ANKRD17: variants seen among roughly 807,000 people sequenced by gnomAD.
ANKRD17 encodes ankyrin repeat domain 17.
In ANKRD17, 19 loss-of-function variants were observed where a neutral mutation model predicts 229.7. The ratio of observed to expected loss-of-function variants is 0.08; its 90% CI spans 0.06 to 0.12. ANKRD17 has a LOEUF of 0.12. ANKRD17 is among the 10% of genes least tolerant of loss of function. The pLI, the probability that ANKRD17 is intolerant of heterozygous loss-of-function variation, is 1.00. For synonymous variants in ANKRD17, 1,112 were observed against 1,146.1 expected (o/e 0.97, Z 0.60); for missense variants, 2,176 against 3,176.8 (o/e 0.68, Z 7.57).
intron 1 of ANKRD17, among the ~76,000 whole-genome samples, chr4:73,237,419 T>C (rs189666604): frequency 5.3e-4 from 80 of 152,320 alleles, no homozygotes; most frequent in Admixed American, 8.5e-4. Flanking sequence ...TATTCACAAC[T>C]TAAATCATAT....
At chr4:73,224,050 G>A (rs559427115) in intron 1 of ANKRD17, among the ~76,000 whole-genome samples, 7 of 152,056 alleles carry the variant, frequency 4.6e-5, no homozygotes, top group Admixed American at 1.3e-4. Context: ...CCAGGAGTTC[G>A]ATCAAGACCA....
chr4:73,181,404 TA>T (rs1416162187), intron 1 of ANKRD17, among the ~76,000 whole-genome samples: 4 of 152,086 alleles, frequency 2.6e-5, no homozygotes. Flanking sequence ...AAAAGAGGTA[TA>T]AAAGTTCAGC....
At chr4:73,144,861 C>T (rs774457145) in intron 10 of ANKRD17, 29 bp from the exon 11 acceptor site, 2 of 1,363,178 alleles carry the variant, frequency 1.5e-6, no homozygotes, top group East Asian at 4.7e-5. Flanking sequence ...AAAGACTTGA[C>T]ATTTAATTGC....
intron 1 of ANKRD17, among the ~76,000 whole-genome samples, chr4:73,253,741 T>G (rs1745223209): frequency 6.6e-6 from 1 of 152,228 alleles, no homozygotes; most frequent in South Asian, 2.1e-4. Context: ...CAGGCATTCA[T>G]CAATTCCTAT....
chr4:73,177,286 T>C (rs1578283607), intron 2 of ANKRD17, 94 bp downstream of exon 2: 1 of 1,173,858 alleles, frequency 8.5e-7, no homozygotes, highest in East Asian at 2.6e-5. Flanking sequence ...TCATTCTAAA[T>C]ACCCAATATC....
intron 1 of ANKRD17, among the ~76,000 whole-genome samples, chr4:73,193,378 AGAG>A (rs1251622939): frequency 3.3e-5 from 5 of 152,208 alleles, no homozygotes; most frequent in African/African-American, 1.2e-4. Context: ...TACGTACATA[AGAG>A]GAGGACAGGT....
intron 16 of ANKRD17, among the ~76,000 whole-genome samples, chr4:73,129,839 T>A (rs188860490): frequency 1.3e-5 from 2 of 150,440 alleles, no homozygotes; most frequent in Admixed American, 6.7e-5. Flanking sequence ...CTCAGCTCAC[T>A]GCAAGCTCCG....
In ANKRD17 at chr4:73,119,533, T is replaced by C. The variant is rs527990174; in HGVS notation, c.4025+629A>G. 1.6e-4 allele frequency among the ~76,000 whole-genome samples: 24 copies of C among 152,338 alleles called. No individual in the cohort carries two copies. In the South Asian group the frequency reaches 4.6e-3, roughly 29 times the overall value. Reference sequence around the variant, plus strand: ...TCTGTTTTTGTAGTTATGTTAAAGATAACATGCAGGTTTAGCATTCATTCA... The same window carrying C: ...TCTGTTTTTGTAGTTATGTTAAAGACAACATGCAGGTTTAGCATTCATTCA... On this transcript the variant is annotated intron_variant, in intron 21 of 33. Coordinates refer to ENST00000358602, the MANE Select transcript of ANKRD17 (RefSeq NM_032217.5).
At chr4:73,122,859 C>A (rs994736966) in intron 18 of ANKRD17, among the ~76,000 whole-genome samples, 13 of 152,062 alleles carry the variant, frequency 8.5e-5, no homozygotes, top group Admixed American at 8.5e-4. Flanking sequence ...TCAAATTTCT[C>A]AAGTTTTCTC....
At chr4:73,174,938 G>C (rs577557657) in intron 2 of ANKRD17, among the ~76,000 whole-genome samples, 9 of 152,246 alleles carry the variant, frequency 5.9e-5, no homozygotes, top group African/African-American at 1.9e-4. Context: ...CAAGAAAAAT[G>C]GGAAAATATT....
chr4:73,114,982 T>C (rs1012209865), intron 23 of ANKRD17, among the ~76,000 whole-genome samples: 9 of 152,196 alleles, frequency 5.9e-5, no homozygotes, highest in Non-Finnish European at 1.0e-4. Flanking sequence ...CAGTTTTATC[T>C]TCCATAAAAT....
chr4:73,242,628 A>G (rs1720739554), intron 1 of ANKRD17, among the ~76,000 whole-genome samples: 1 of 152,220 alleles, frequency 6.6e-6, no homozygotes. Context: ...TAAATGAACA[A>G]TATCCAAAAC....
At chr4:73,102,028 G>C (rs1724066552) in intron 25 of ANKRD17, among the ~76,000 whole-genome samples, 1 of 151,976 alleles carries the variant, frequency 6.6e-6, no homozygotes, top group South Asian at 2.1e-4. Context: ...AACCTCCCAG[G>C]CTGAAGTGAT....
At chr4:73,226,096 T>G (rs1457187246) in intron 1 of ANKRD17, among the ~76,000 whole-genome samples, 1 of 144,392 alleles carries the variant, frequency 6.9e-6, no homozygotes, top group African/African-American at 2.6e-5. Context: ...CTGCCTCAGC[T>G]TCCCGAGTAG....
At chr4:73,137,699 T>C (rs572435707) in intron 15 of ANKRD17, among the ~76,000 whole-genome samples, 24 of 152,252 alleles carry the variant, frequency 1.6e-4, no homozygotes, top group Middle Eastern at 3.4e-3. Flanking sequence ...TGGCTATGTT[T>C]CTCTCCCCAT....
At chr4:73,129,716 TCAA>T (rs112066324) in intron 16 of ANKRD17, among the ~76,000 whole-genome samples, 178 of 150,554 alleles carry the variant, frequency 1.2e-3, no homozygotes, top group African/African-American at 3.8e-3. Context: ...AGACCCTGTC[TCAA>T]CAACAACAAC....
At chr4:73,182,671 T>C (rs1229387513) in intron 1 of ANKRD17, among the ~76,000 whole-genome samples, 4 of 152,180 alleles carry the variant, frequency 2.6e-5, no homozygotes, top group Non-Finnish European at 5.9e-5. Context: ...CTATAAAGAA[T>C]TCTTGTCCCC....
At chr4:73,178,389 A>ACCT (rs1225516477) in intron 1 of ANKRD17, among the ~76,000 whole-genome samples, 1 of 152,204 alleles carries the variant, frequency 6.6e-6, no homozygotes, top group Non-Finnish European at 1.5e-5. Context: ...TACACACACT[A>ACCT]ATATTGAAAG....
In ANKRD17 at chr4:73,142,311, A is replaced by T. The variant is rs762452839; in HGVS notation, c.2160T>A (p.Pro720=). The T allele has an allele frequency of 6.4e-7, 1 of 1,569,946 alleles. No homozygotes were observed. Residue 720 remains proline, a synonymous_variant, in exon 13 of 34, where the codon CCT becomes CCA. Transcript: ENST00000358602. Reference sequence around the variant, plus strand: ...GTGGAGGGGCTGAAAGCAAGTTATTAGGATAATCCAAGAGATAGCAAACAA... The same window carrying T: ...GTGGAGGGGCTGAAAGCAAGTTATTTGGATAATCCAAGAGATAGCAAACAA... ...TSVVCYLLDY[P]NNLLSAPPPD...
Sources: allele counts gnomAD v4.1 joint callset (sites outside exome capture counted in the v4.1 genomes callset), GRCh38; gene constraint gnomAD v4.1.1; transcripts MANE v1.5; gene names NCBI Gene and HGNC (gene_info 2026-07-23, HGNC 2026-07-21).